VTA1: variants seen among roughly 807,000 people sequenced by gnomAD.
VTA1 encodes vacuolar protein sorting-associated protein VTA1 homolog.
In VTA1, 24 loss-of-function variants were observed where a neutral mutation model predicts 36.9. That is an observed-to-expected ratio of 0.65 (90% CI 0.47 to 0.91). The LOEUF (loss-of-function observed/expected upper bound fraction) is 0.91. Among genes scored for constraint, VTA1 ranks in the 40% least tolerant of loss-of-function variants. The pLI is 0.00. For missense variants in VTA1, 393 were observed against 377.2 expected (o/e 1.04, Z -0.35); for synonymous variants, 142 against 130.2 (o/e 1.09, Z -0.62).
At position 142,182,876 on chromosome 6, in the gene VTA1, G is replaced by T. The variant is rs72993075; in HGVS notation, c.412-6550G>T. 9.5e-3 allele frequency among the ~76,000 whole-genome samples: 1,440 copies of T among 152,244 alleles called. 10 individuals are homozygous for T. The highest frequency in any genetic ancestry group is 0.015 in the Non-Finnish European group (1,000 of 68,018). ...GGTACATTTAAAGCCATTAGACTGCGTGAGATCATCAAGTGTAGAAAGAAG... is the reference window on the plus strand; with the variant it reads ...GGTACATTTAAAGCCATTAGACTGCTTGAGATCATCAAGTGTAGAAAGAAG... On this transcript the variant is annotated intron_variant, in intron 4 of 7. Coordinates refer to ENST00000367630, the MANE Select transcript of VTA1 (RefSeq NM_016485.5).
chr6:142,148,648 A>T lies in VTA1; in HGVS notation c.112+1249A>T, dbSNP rs112650553. Among the ~76,000 whole-genome samples the T allele has an allele frequency of 7.0e-3, 1,064 of 152,292 alleles. 15 individuals are homozygous for T. Among genetic ancestry groups the T allele is most frequent in the African/African-American group, 0.024 (1,014 of 41,558 alleles). Reference sequence around the variant, plus strand: ...GAGTTTCAACAATATAGAGTCTATCATACATAGAGTATTAAAAGCTTATGA... The same window carrying T: ...GAGTTTCAACAATATAGAGTCTATCTTACATAGAGTATTAAAAGCTTATGA... On this transcript the variant is annotated intron_variant, in intron 1 of 7. Transcript: ENST00000367630.
chr6:142,187,137 T>G (rs1203224948), intron 4 of VTA1, among the ~76,000 whole-genome samples: 1 of 152,228 alleles, frequency 6.6e-6, no homozygotes, highest in Non-Finnish European at 1.5e-5. Flanking sequence ...TTTAAAATTC[T>G]ATATGAGTTA....
chr6:142,199,002 A>G (rs1775625213), intron 6 of VTA1, among the ~76,000 whole-genome samples: 1 of 152,052 alleles, frequency 6.6e-6, no homozygotes, highest in Non-Finnish European at 1.5e-5. Flanking sequence ...TCTCACTGTG[A>G]TATCTAGGTT....
rs558969175 is a variant in VTA1, at chr6:142,218,773, T to C, written c.*130T>C. ...GTTGAATATGACAATGAAATCTGTG[T>C]GTATCAGATTTTTATTGAAGCATTC... On this transcript the variant is annotated 3_prime_UTR_variant, in exon 8 of 8. Coordinates refer to ENST00000367630, the MANE Select transcript of VTA1 (RefSeq NM_016485.5). 2.7e-5 allele frequency: 29 copies of C among 1,089,512 alleles called. No homozygotes were observed. The South Asian group carries it at 4.6e-4, about 17-fold the overall frequency. The allele number at this position is 1,089,512 out of a possible 1,614,324, so 67.5% of individuals were successfully genotyped here.
rs1775613648 is a variant in VTA1 at position 142,198,547 on chromosome 6, C to G, written c.629C>G (p.Thr210Ser). 1 of 1,614,146 alleles carries G rather than the reference C, an allele frequency of 6.2e-7. No individual in the cohort carries two copies. Among genetic ancestry groups the G allele is most frequent in the East Asian group, 2.2e-5 (1 of 44,862 alleles). Residue 210 changes from threonine to serine, a missense_variant, in exon 6 of 8, where the codon ACT becomes AGT. By Grantham distance (58) the Thr-to-Ser change is moderately conservative (BLOSUM62 1). Coordinates refer to ENST00000367630, the MANE Select transcript of VTA1 (RefSeq NM_016485.5). ...DPSNMPSGNY[T>S]GIQIPPGAHA... The stretch of plus-strand genomic sequence containing the variant: ...AGCAACATGCCATCAGGCAACTATA[C>G]TGGAATACAGATTCCTCCGGGTGCA...
At chr6:142,207,087 A>C (rs892005891) in intron 7 of VTA1, among the ~76,000 whole-genome samples, 1 of 152,158 alleles carries the variant, frequency 6.6e-6, no homozygotes, top group Non-Finnish European at 1.5e-5. Context: ...CACCAGCAAC[A>C]ACCCAGAGCC....
At chr6:142,155,006 A>G (rs1029539585) in intron 1 of VTA1, among the ~76,000 whole-genome samples, 13 of 152,018 alleles carry the variant, frequency 8.6e-5, no homozygotes, top group African/African-American at 2.9e-4. Context: ...GCTTTTTTAT[A>G]TTTCTCAATT....
At chr6:142,211,272 A>G (rs575736522) in intron 7 of VTA1, among the ~76,000 whole-genome samples, 1 of 152,254 alleles carries the variant, frequency 6.6e-6, no homozygotes, top group Non-Finnish European at 1.5e-5. Flanking sequence ...CAAATTATAC[A>G]TGAATATTTT....
At chr6:142,214,043 T>C (rs968939779) in intron 7 of VTA1, among the ~76,000 whole-genome samples, 3 of 152,204 alleles carry the variant, frequency 2.0e-5, no homozygotes, top group Non-Finnish European at 4.4e-5. Flanking sequence ...TTTTCCATAC[T>C]TTTATGCTCT....
At chr6:142,170,264 T>G (rs1322369394) in intron 3 of VTA1, 82 bp from the exon 4 acceptor site, 1 of 996,654 alleles carries the variant, frequency 1.0e-6, no homozygotes, top group East Asian at 2.5e-5. Flanking sequence ...AAGATAGGAA[T>G]TTTTTTTCTT....
intron 6 of VTA1, among the ~76,000 whole-genome samples, chr6:142,203,776 A>G (rs1269861344): frequency 2.0e-5 from 3 of 152,208 alleles, no homozygotes; most frequent in Non-Finnish European, 4.4e-5. Flanking sequence ...GCATTAGACA[A>G]AATACATGTT....
At chr6:142,173,954 C>T (rs771966852) in intron 4 of VTA1, among the ~76,000 whole-genome samples, 58 of 152,230 alleles carry the variant, frequency 3.8e-4, no homozygotes, top group Middle Eastern at 3.4e-3. Context: ...TATCTCACTA[C>T]CCAACCTGCT....
In VTA1 at chr6:142,218,676, C is replaced by T; in HGVS notation, c.*33C>T. The T allele has an allele frequency of 6.3e-7, 1 of 1,580,822 alleles. No individual in the cohort carries two copies. Among genetic ancestry groups the T allele is most frequent in the Non-Finnish European group, 8.6e-7 (1 of 1,168,118 alleles). On this transcript the variant is annotated 3_prime_UTR_variant, in exon 8 of 8. Transcript: ENST00000367630. The stretch of plus-strand genomic sequence containing the variant: ...GTATGACAGACCCATGTATTTTTGG[C>T]ATGAGGAACTAACAGTCCATTACTC...
chr6:142,205,757 A>C (rs185111749), intron 7 of VTA1, among the ~76,000 whole-genome samples: 2 of 152,292 alleles, frequency 1.3e-5, no homozygotes, highest in African/African-American at 4.8e-5. Context: ...TAGGAGCTTC[A>C]GAATATGAAA....
intron 5 of VTA1, among the ~76,000 whole-genome samples, chr6:142,190,603 C>T (rs557609204): frequency 2.6e-5 from 4 of 152,070 alleles, no homozygotes; most frequent in South Asian, 2.1e-4. Flanking sequence ...ATGTATTAGA[C>T]GTAGTAAATA....
chr6:142,150,425 A>G (rs1264255937), intron 1 of VTA1, among the ~76,000 whole-genome samples: 1 of 152,220 alleles, frequency 6.6e-6, no homozygotes, highest in Non-Finnish European at 1.5e-5. Context: ...GCAAAGTAGT[A>G]TATAATATGC....
intron 5 of VTA1, among the ~76,000 whole-genome samples, chr6:142,195,931 C>G (rs1317507092): frequency 6.6e-6 from 1 of 151,990 alleles, no homozygotes; most frequent in Admixed American, 6.6e-5. Context: ...ATCAAGATTT[C>G]TTTCATGGCC....
At chr6:142,213,049 T>C (rs1775933679) in intron 7 of VTA1, among the ~76,000 whole-genome samples, 2 of 152,158 alleles carry the variant, frequency 1.3e-5, no homozygotes, top group Non-Finnish European at 1.5e-5. Context: ...TTAACTCAAG[T>C]TTATAGTCCA....
intron 7 of VTA1, among the ~76,000 whole-genome samples, chr6:142,205,400 C>T (rs899821510): frequency 1.3e-5 from 2 of 152,082 alleles, no homozygotes; most frequent in Non-Finnish European, 2.9e-5. Context: ...GCTTAGTCTA[C>T]CATCTAGAAC....
Sources: gnomAD v4.1 joint callset for allele counts (sites outside exome capture counted in the v4.1 genomes callset) on GRCh38, gnomAD v4.1.1 for gene constraint, MANE v1.5 for transcripts, NCBI Gene and HGNC (gene_info 2026-07-23, HGNC 2026-07-21) for gene names.